Variants in SLC37A1 observed in about 807,000 individuals in gnomAD.
SLC37A1 encodes the protein glucose-6-phosphate exchanger SLC37A1.
Under a neutral mutation model 75.3 loss-of-function variants are expected in SLC37A1, and 49 were observed. The ratio of observed to expected loss-of-function variants is 0.65; its 90% CI spans 0.52 to 0.83. The LOEUF (loss-of-function observed/expected upper bound fraction) is 0.83, where lower values mean the gene tolerates loss of function less well. SLC37A1 is among the 40% of genes least tolerant of loss of function. The pLI is 0.00. For synonymous variants in SLC37A1, 268 were observed against 292.1 expected (o/e 0.92, Z 0.84); for missense variants, 566 against 695.0 (o/e 0.81, Z 2.09).
At chr21:42,534,251 G>T (rs534745707) in intron 3 of SLC37A1, among the ~76,000 whole-genome samples, 3 of 152,150 alleles carry the variant, frequency 2.0e-5, no homozygotes, top group Admixed American at 6.5e-5. Context: ...TGTTTGTGAG[G>T]TTCATCCTCA....
Position 42,574,318 on chromosome 21 carries a change from AAAT to A in SLC37A1, c.1424-496_1424-494del, listed in dbSNP as rs1448976779. Among the ~76,000 whole-genome samples, 8 of 152,344 alleles carry A rather than the reference AAAT, an allele frequency of 5.3e-5. No individual in the cohort carries two copies. In the East Asian group the frequency reaches 1.5e-3, roughly 29 times the overall value. On this transcript the variant is annotated intron_variant, in intron 17 of 19. Transcript: ENST00000352133. ...CAGATTTCCTTACGTGTACTCAAGA[AAAT>A]AATGGGAGTGTTGGATGAAAAGAAT... is the stretch of plus-strand genomic sequence containing the variant.
rs2055437168 is a variant in SLC37A1 at position 42,547,398 on chromosome 21, GGCCC to G, written c.768+259_768+262del. 4.6e-5 allele frequency: 20 copies of G among 436,474 alleles called. No homozygotes were observed. In the South Asian group the frequency reaches 7.1e-4, roughly 16 times the overall value. The allele number at this position is 436,474 out of a possible 1,614,324, so 27.0% of individuals were successfully genotyped here. A position where few individuals can be genotyped will look rare whatever the true frequency, so the allele number is the denominator to read the frequency against. ...TCATGCTAAGGGGAACCAAAGGCTGGGCCCTGGCCAGGCCTCCTCAGGAGTGGAG... is the reference window on the plus strand; with the variant it reads ...TCATGCTAAGGGGAACCAAAGGCTGGTGGCCAGGCCTCCTCAGGAGTGGAG... On this transcript the variant is annotated intron_variant, in intron 9 of 19. Transcript: ENST00000352133. This position sits in a 1 kb window ranked among gnomAD's most constrained non-coding sequence, Gnocchi z 6.1.
At chr21:42,541,365 A>T (rs887942163) in intron 6 of SLC37A1, among the ~76,000 whole-genome samples, 1 of 151,790 alleles carries the variant, frequency 6.6e-6, no homozygotes, top group African/African-American at 2.4e-5. Flanking sequence ...TGAGGTGGTC[A>T]GAGCTGCCAG....
chr21:42,570,906 G>A (rs752865052), intron 17 of SLC37A1, among the ~76,000 whole-genome samples: 7 of 152,138 alleles, frequency 4.6e-5, no homozygotes, highest in African/African-American at 9.7e-5. Flanking sequence ...CACACACACC[G>A]GACCCCCTCT....
chr21:42,536,036 A>G (rs1404967797), intron 5 of SLC37A1, among the ~76,000 whole-genome samples: 4 of 152,226 alleles, frequency 2.6e-5, no homozygotes, highest in Non-Finnish European at 5.9e-5. Flanking sequence ...TTGGCCCCAG[A>G]ACTCTGAGCA....
chr21:42,544,560 C>T (rs886315535), intron 8 of SLC37A1, among the ~76,000 whole-genome samples: 6 of 152,242 alleles, frequency 3.9e-5, no homozygotes, highest in African/African-American at 9.6e-5. Context: ...TGTCCAGACA[C>T]ACCCATTGGT....
At chr21:42,511,109 A>G (rs1408113170), upstream of SLC37A1, among the ~76,000 whole-genome samples, 1 of 152,250 alleles carries the variant, frequency 6.6e-6, no homozygotes, top group African/African-American at 2.4e-5. Context: ...AGTTTTAACA[A>G]ATTTAAGAAG....
chr21:42,566,826 G>A (rs1252960277), intron 15 of SLC37A1, among the ~76,000 whole-genome samples, 159 bp from the exon 16 acceptor site: 1 of 152,202 alleles, frequency 6.6e-6, no homozygotes, highest in South Asian at 2.1e-4. Flanking sequence ...CTTAGGGAGG[G>A]TATGATTTGC....
rs905052485 is a variant in SLC37A1, at chr21:42,530,652, A to ACCC, written c.139-4045_139-4044insCCC. On this transcript the variant is annotated intron_variant, in intron 3 of 19. Transcript: ENST00000352133. ...CACACACACACACACACACACACAC[A>ACCC]CACCCCCTCTGTGTTGGCTGAAGGT... Among the ~76,000 whole-genome samples, 115 of 25,080 alleles carry ACCC rather than the reference A, an allele frequency of 4.6e-3. 3 individuals carry two copies. The highest frequency in any genetic ancestry group is 8.3e-3 in the Non-Finnish European group (96 of 11,590). The allele number at this position is 25,080 out of a possible 152,430, so 16.5% of individuals were successfully genotyped here. A position where few individuals can be genotyped will look rare whatever the true frequency, so the allele number is the denominator to read the frequency against.
rs779565924 is a variant in SLC37A1 at position 42,548,077 on chromosome 21, G to A, written c.768+937G>A. 6.6e-6 allele frequency among the ~76,000 whole-genome samples: 1 copy of A among 152,132 alleles called. No homozygotes were observed. The highest frequency in any genetic ancestry group is 1.5e-5 in the Non-Finnish European group (1 of 68,026). On this transcript the variant is annotated intron_variant, in intron 9 of 19. Coordinates refer to ENST00000352133, the MANE Select transcript of SLC37A1 (RefSeq NM_001320537.2). The surrounding 1 kb of genome is among the most constrained non-coding windows in gnomAD (Gnocchi z 5.6). ...CCCTCTGGGAAAGGCTCCCCTACCCGGGCTAACATGTTAGTCACGTCTGTG... is the reference window on the plus strand; with the variant it reads ...CCCTCTGGGAAAGGCTCCCCTACCCAGGCTAACATGTTAGTCACGTCTGTG...
chr21:42,561,129 A>G (rs228094), intron 11 of SLC37A1, among the ~76,000 whole-genome samples: 91,865 of 152,108 alleles, frequency 0.6, 28,549 homozygotes, highest in Admixed American at 0.71. Flanking sequence ...CTGTGAAGAC[A>G]TCAACTCGTT....
At chr21:42,535,032 C>T (rs1325138111) in intron 4 of SLC37A1, among the ~76,000 whole-genome samples, 1 of 152,258 alleles carries the variant, frequency 6.6e-6, no homozygotes, top group Admixed American at 6.5e-5. Context: ...AGAAGGTTCT[C>T]TTTATGGGGA....
At chr21:42,530,635 C>T in intron 3 of SLC37A1, among the ~76,000 whole-genome samples, 1 of 39,852 alleles carries the variant, frequency 2.5e-5, no homozygotes, top group East Asian at 3.4e-4. Flanking sequence ...CACACACACA[C>T]ACACACACAC....
Position 42,547,255 on chromosome 21 carries a change from C to G in SLC37A1, c.768+115C>G, listed in dbSNP as rs762419373. 2.2e-5 allele frequency: 25 copies of G among 1,146,366 alleles called. No homozygotes were observed. The highest frequency in any genetic ancestry group is 3.1e-5 in the Non-Finnish European group (24 of 767,330). 71.0% of individuals were successfully genotyped at this position (1,146,366 alleles called of 1,614,324 possible). A position where few individuals can be genotyped will look rare whatever the true frequency, so the allele number is the denominator to read the frequency against. ...GAAACACACAGGGTAGACAGAAGTCCCACCCTCAAAACATTGGCAGTTCTA... is the reference window on the plus strand; with the variant it reads ...GAAACACACAGGGTAGACAGAAGTCGCACCCTCAAAACATTGGCAGTTCTA... On this transcript the variant is annotated intron_variant, in intron 9 of 19. Coordinates refer to ENST00000352133, the MANE Select transcript of SLC37A1 (RefSeq NM_001320537.2). This position sits in a 1 kb window ranked among gnomAD's most constrained non-coding sequence, Gnocchi z 6.1.
rs2056165812 is a variant in SLC37A1 at position 42,571,570 on chromosome 21, CCT to C, written c.1423+3139_1423+3140del. 7.2e-5 allele frequency among the ~76,000 whole-genome samples: 11 copies of C among 152,234 alleles called. No homozygotes were observed. In the South Asian group the frequency reaches 2.3e-3, roughly 32 times the overall value. On this transcript the variant is annotated intron_variant, in intron 17 of 19. Transcript: ENST00000352133. ...TTCTAGAGGCAGCCAATTTCAGCTG[CCT>C]CTCTCTGCTTACCTACGTATTTCCA... is the stretch of plus-strand genomic sequence containing the variant.
intron 9 of SLC37A1, among the ~76,000 whole-genome samples, chr21:42,550,121 C>T (rs2055520565): frequency 1.3e-5 from 2 of 152,206 alleles, no homozygotes; most frequent in Non-Finnish European, 2.9e-5. Flanking sequence ...ACCATTATCA[C>T]ACTTAAAAAC....
chr21:42,559,560 C>T (rs933771670), intron 11 of SLC37A1, among the ~76,000 whole-genome samples: 6 of 152,354 alleles, frequency 3.9e-5, no homozygotes, highest in East Asian at 1.9e-4. Flanking sequence ...TTCGCGAGCC[C>T]GGCTGGATTC....
At chr21:42,578,713 G>A (rs375533061) in intron 18 of SLC37A1, among the ~76,000 whole-genome samples, 1 of 152,218 alleles carries the variant, frequency 6.6e-6, no homozygotes, top group African/African-American at 2.4e-5. Context: ...GCAGCTGGAT[G>A]CATCTTATCT....
intron 17 of SLC37A1, among the ~76,000 whole-genome samples, chr21:42,573,163 C>A (rs1318650857): frequency 1.3e-5 from 2 of 151,722 alleles, no homozygotes; most frequent in South Asian, 4.1e-4. Context: ...GCTGCGCTGT[C>A]CTGCACGGGG....
Sources: allele counts gnomAD v4.1 joint callset (sites outside exome capture counted in the v4.1 genomes callset), GRCh38; gene constraint gnomAD v4.1.1; non-coding constraint Gnocchi (gnomAD v3.1); transcripts MANE v1.5; gene names NCBI Gene and HGNC (gene_info 2026-07-23, HGNC 2026-07-21).